FAAH2: variants seen among roughly 807,000 people sequenced by gnomAD.
The protein encoded by FAAH2 is fatty-acid amide hydrolase 2.
FAAH2 carries 60 observed loss-of-function variants against 36.9 expected under a neutral mutation model. The observed-to-expected ratio is 1.63, with a 90% confidence interval of 1.32 to 2.02. The LOEUF (loss-of-function observed/expected upper bound fraction) is 2.02, where lower values mean the gene tolerates loss of function less well. Ranked by LOEUF, FAAH2 falls within the 30% of genes most tolerant of loss-of-function variation. The pLI is 0.00. For synonymous variants in FAAH2, 214 were observed against 143.8 expected, an observed-to-expected ratio of 1.49 and a Z score of -3.49; for missense variants, 689 against 397.5, an observed-to-expected ratio of 1.73 and a Z score of -6.23.
At chrX:57,445,022 C>T (rs754399721) in intron 8 of FAAH2, among the ~76,000 whole-genome samples, 3 of 111,578 alleles carry the variant, frequency 2.7e-5, no homozygotes, top group Non-Finnish European at 5.6e-5. Flanking sequence ...TTATGTTTTC[C>T]TGGATGTTTT....
At chrX:57,191,810 T>C in the FAAH2 span, among the ~76,000 whole-genome samples, 1 of 111,969 alleles carries the variant, frequency 8.9e-6, no homozygotes, top group African/African-American at 3.2e-5. Flanking sequence ...ATGGATTTGC[T>C]TTGGGGTTCT....
intron 10 of FAAH2, among the ~76,000 whole-genome samples, chrX:57,472,078 A>T (rs2057179291): frequency 8.9e-6 from 1 of 112,253 alleles, no homozygotes; most frequent in Admixed American, 9.5e-5. Flanking sequence ...CTTACACCTT[A>T]TACAAAAATT....
chrX:57,202,614 G>C, the FAAH2 span, among the ~76,000 whole-genome samples: 1 of 111,443 alleles, frequency 9.0e-6, no homozygotes, highest in African/African-American at 3.3e-5. Flanking sequence ...GTTCTTGCCC[G>C]AGGCCTGCTG....
At chrX:57,219,775 C>CAA in the FAAH2 span, among the ~76,000 whole-genome samples, 183 of 90,274 alleles carry the variant, frequency 2.0e-3, 2 homozygotes, top group Middle Eastern at 0.011. Context: ...TCCTCTGTTC[C>CAA]AAAAAAAAAA....
intron 2 of FAAH2, among the ~76,000 whole-genome samples, chrX:57,302,554 A>G (rs1257437655): frequency 1.8e-5 from 2 of 110,836 alleles, no homozygotes; most frequent in African/African-American, 6.6e-5. Context: ...GTACTGTGGT[A>G]TCATAGAGAA....
chrX:57,168,200 T>C, the FAAH2 span, among the ~76,000 whole-genome samples: 142 of 111,319 alleles, frequency 1.3e-3, no homozygotes, highest in Non-Finnish European at 2.2e-3. Flanking sequence ...TACAAGATGC[T>C]CCAGTCTCAT....
chrX:57,377,471 T>A (rs1230012627), intron 5 of FAAH2, among the ~76,000 whole-genome samples: 1 of 112,062 alleles, frequency 8.9e-6, no homozygotes, highest in Non-Finnish European at 1.9e-5. Flanking sequence ...TGTGGCATTA[T>A]ATCTGAGGGA....
chrX:57,339,861 G>A (rs980249602), intron 4 of FAAH2, among the ~76,000 whole-genome samples: 5 of 111,840 alleles, frequency 4.5e-5, no homozygotes, highest in East Asian at 2.8e-4. Flanking sequence ...AAATCTAGGA[G>A]CAGAAATACC....
chrX:57,421,019 A>C (rs971175491), intron 7 of FAAH2, among the ~76,000 whole-genome samples: 5 of 112,556 alleles, frequency 4.4e-5, no homozygotes, highest in African/African-American at 1.6e-4. Context: ...TTTTGTTCAC[A>C]GTAATCAACC....
chrX:57,442,569 C>G (rs943361861), intron 8 of FAAH2, among the ~76,000 whole-genome samples: 4 of 111,796 alleles, frequency 3.6e-5, no homozygotes, highest in African/African-American at 1.3e-4. Context: ...GTCCAATTTG[C>G]CAGTCTGTGT....
chrX:57,239,120 G>A, the FAAH2 span, among the ~76,000 whole-genome samples: 18 of 111,573 alleles, frequency 1.6e-4, no homozygotes, highest in Non-Finnish European at 2.1e-4. Flanking sequence ...CTTTGCTATT[G>A]CAAATAGTGC....
intron 3 of FAAH2, among the ~76,000 whole-genome samples, chrX:57,330,471 G>A (rs756102862): frequency 1.1e-4 from 12 of 111,585 alleles, no homozygotes; most frequent in Non-Finnish European, 1.7e-4. Flanking sequence ...AATGGTGCCC[G>A]AAACTTCATT....
At chrX:57,356,461 C>T (rs971615201) in intron 5 of FAAH2, among the ~76,000 whole-genome samples, 1 of 110,718 alleles carries the variant, frequency 9.0e-6, no homozygotes, top group Non-Finnish European at 1.9e-5. Flanking sequence ...GATTTTTTCT[C>T]TCTTCATGAT....
At chrX:57,178,959 G>A in the FAAH2 span, among the ~76,000 whole-genome samples, 1 of 111,667 alleles carries the variant, frequency 9.0e-6, no homozygotes, top group Non-Finnish European at 1.9e-5. Flanking sequence ...GAGGAGATTA[G>A]GGGCCTATAT....
chrX:57,160,795 C>A, the FAAH2 span, among the ~76,000 whole-genome samples: 3 of 111,759 alleles, frequency 2.7e-5, no homozygotes, highest in Admixed American at 9.5e-5. Context: ...TTTTGTTGAT[C>A]TTTTCAAAAA....
the FAAH2 span, among the ~76,000 whole-genome samples, chrX:57,261,164 A>C: frequency 2.7e-5 from 3 of 111,720 alleles, no homozygotes; most frequent in African/African-American, 9.8e-5. Context: ...ATAATCAATA[A>C]ATTTTCGTAG....
Position 57,393,440 on chromosome X carries a change from G to A in FAAH2, c.996+12411G>A, listed in dbSNP as rs1052626107. The A allele has an allele frequency of 4.3e-5, 36 of 828,258 alleles. No individual in the cohort carries two copies. In the East Asian group the frequency reaches 8.5e-4, roughly 19 times the overall value. 68.3% of individuals were successfully genotyped at this position (828,258 alleles called of 1,213,427 possible). ...TATTCCAATGTCTGCTCCAAATCCC[G>A]CCTCCGTCACTACAAACCCTTCTGG... On this transcript the variant is annotated intron_variant, in intron 7 of 10. Transcript: ENST00000374900.
At chrX:57,152,425 G>T in the FAAH2 span, among the ~76,000 whole-genome samples, 7 of 112,500 alleles carry the variant, frequency 6.2e-5, no homozygotes, top group Non-Finnish European at 1.3e-4. Flanking sequence ...CACCCATTTC[G>T]AGCTTCCCAG....
At chrX:57,216,570 ATG>A in the FAAH2 span, among the ~76,000 whole-genome samples, 673 of 35,158 alleles carry the variant, frequency 0.019, 47 homozygotes, top group African/African-American at 0.09. Context: ...ATATACGTAT[ATG>A]TATATATATG....
Sources: gnomAD v4.1 joint callset for allele counts (sites outside exome capture counted in the v4.1 genomes callset) on GRCh38, gnomAD v4.1.1 for gene constraint, MANE v1.5 for transcripts, NCBI Gene and HGNC (gene_info 2026-07-23, HGNC 2026-07-21) for gene names.